The following VCAN variants were observed in gnomAD, a reference collection of about 807,000 sequenced individuals.
The protein encoded by VCAN is versican.
Under a neutral mutation model 245.5 loss-of-function variants are expected in VCAN, and 44 were observed. The ratio of observed to expected loss-of-function variants is 0.18; its 90% CI spans 0.14 to 0.23. The LOEUF is 0.23. Among genes scored for constraint, VCAN ranks in the 10% least tolerant of loss-of-function variants. VCAN has a pLI of 1.00. For missense variants in VCAN, 3,793 were observed against 4,057.9 expected (o/e 0.93, Z 1.77); for synonymous variants, 1,413 against 1,437.0 (o/e 0.98, Z 0.38).
intron 12 of VCAN, among the ~76,000 whole-genome samples, chr5:83,569,150 A>G (rs1239892816): frequency 6.6e-6 from 1 of 152,242 alleles, no homozygotes; most frequent in Non-Finnish European, 1.5e-5. Context: ...AGTATTTCAT[A>G]TAAAATGTCA....
chr5:83,571,159 A>T, intron 12 of VCAN, among the ~76,000 whole-genome samples: 1 of 152,206 alleles, frequency 6.6e-6, no homozygotes, highest in East Asian at 1.9e-4. Context: ...AAATTGACCC[A>T]GAAAGGCGCT....
At chr5:83,553,995 T>A (rs924347561) in intron 11 of VCAN, among the ~76,000 whole-genome samples, 5 of 152,226 alleles carry the variant, frequency 3.3e-5, no homozygotes, top group African/African-American at 1.2e-4. Flanking sequence ...TTGATTCTCA[T>A]TCAAGTTTCT....
chr5:83,540,933 G>A lies in VCAN; in HGVS notation c.7930G>A (p.Ala2644Thr), dbSNP rs755275660. 20 of 1,613,828 alleles carry A rather than the reference G, an allele frequency of 1.2e-5. No homozygotes were observed. In the South Asian group the frequency reaches 1.9e-4, roughly 15 times the overall value. Residue 2644 changes from alanine to threonine, a missense_variant, in exon 8 of 15, where the codon GCT becomes ACT. By Grantham distance (58) the Ala-to-Thr change is moderately conservative. Transcript: ENST00000265077. ...ETFEGSADVL[A>T]SYTQATHDES... ...ATTTGAGGGCTCTGCTGATGTTCTG[G>A]CTAGCTACACTCAGGCAACACATGA...
At position 83,520,180 on chromosome 5, in the gene VCAN, G is replaced by A. The variant is rs779485029; in HGVS notation, c.1874G>A (p.Arg625Lys). 25 of 1,613,910 alleles carry A rather than the reference G, an allele frequency of 1.5e-5. No homozygotes were observed. Among genetic ancestry groups the A allele is most frequent in the Non-Finnish European group, 2.0e-5 (24 of 1,179,974 alleles). Residue 625 changes from arginine (R) to lysine (K), a missense_variant, in exon 7 of 15, where the codon AGA (arginine) becomes AAA (lysine). Around this residue, in one of 5 missense-constraint regions of VCAN, gnomAD observed 3,182 missense variants for 3,250.3 expected, o/e 0.98. Coordinates refer to ENST00000265077, the MANE Select transcript of VCAN (RefSeq NM_004385.5). ...NGSSMDDWEE[R>K]QTSGRITEEF... ...TCATCCATGGATGACTGGGAAGAGA[G>A]ACAAACTAGTGGTAGGATAACGGAA...
In VCAN at chr5:83,580,587, A is replaced by G. The variant is rs1466509517; in HGVS notation, c.*153A>G. Reference sequence around the variant, plus strand: ...GGTTGCCGTGCTCCCAAAACATTTTAAATGAAAGTATTGGCATTCAAAAAG... The same window carrying G: ...GGTTGCCGTGCTCCCAAAACATTTTGAATGAAAGTATTGGCATTCAAAAAG... On this transcript the variant is annotated 3_prime_UTR_variant, in exon 15 of 15. Coordinates refer to ENST00000265077, the MANE Select transcript of VCAN (RefSeq NM_004385.5). 6 of 1,120,498 alleles carry G rather than the reference A, an allele frequency of 5.4e-6. No individual in the cohort carries two copies. The African/African-American group carries it at 9.3e-5, about 17-fold the overall frequency. The allele number at this position is 1,120,498 out of a possible 1,614,324, so 69.4% of individuals were successfully genotyped here. A position where few individuals can be genotyped will look rare whatever the true frequency, so the allele number is the denominator to read the frequency against.
chr5:83,549,478 A>G (rs186703153), intron 10 of VCAN, among the ~76,000 whole-genome samples: 48 of 152,324 alleles, frequency 3.2e-4, no homozygotes, highest in African/African-American at 1.2e-3. Flanking sequence ...AAATCGTACA[A>G]TGGGAAAAGT....
chr5:83,541,024 T>A lies in VCAN; in HGVS notation c.8021T>A (p.Ile2674Asn). The change falls in exon 8 of 15, where the codon ATC becomes AAC. Residue 2674 changes from isoleucine to asparagine, a missense_variant. Around this residue, in one of 5 missense-constraint regions of VCAN, gnomAD observed 3,182 missense variants for 3,250.3 expected, o/e 0.98. Coordinates refer to ENST00000265077, the MANE Select transcript of VCAN (RefSeq NM_004385.5). ...ATGGGCTTTCACTTCACAACTGGGA[T>A]CCCTGCTCCTAGCACAGAAACAGAA... The part of the protein sequence containing the change: ...DHMGFHFTTG[I>N]PAPSTETELD... 2 of 1,613,988 alleles carry A rather than the reference T, an allele frequency of 1.2e-6. No individual in the cohort carries two copies. The highest frequency in any genetic ancestry group is 1.7e-6 in the Non-Finnish European group (2 of 1,179,980).
Position 83,548,022 on chromosome 5 carries a change from A to C in VCAN, c.9431A>C (p.Asp3144Ala). 6.2e-7 allele frequency: 1 copy of C among 1,614,070 alleles called. No individual in the cohort carries two copies. Among genetic ancestry groups the C allele is most frequent in the South Asian group, 1.1e-5 (1 of 91,082 alleles). Reference protein sequence around the residue: ...NPCRNGATCVDGFNTFRCLCL... With the variant: ...NPCRNGATCVAGFNTFRCLCL... ...TGTCGTAATGGAGCCACTTGTGTTG[A>C]TGGTTTTAACACATTCAGGTGCCTC... Residue 3144 changes from aspartate to alanine, a missense_variant, in exon 10 of 15, where the codon GAT (aspartate) becomes GCT (alanine). Coordinates refer to ENST00000265077, the MANE Select transcript of VCAN (RefSeq NM_004385.5).
intron 10 of VCAN, among the ~76,000 whole-genome samples, chr5:83,549,712 T>G (rs1056730659): frequency 7.9e-5 from 12 of 152,168 alleles, no homozygotes; most frequent in Non-Finnish European, 1.2e-4. Flanking sequence ...CCACCTGACT[T>G]TCAGGTACTT....
rs754250343 is a variant in VCAN, at chr5:83,541,968, G to A, written c.8965G>A (p.Gly2989Ser). The A allele has an allele frequency of 1.2e-6, 2 of 1,613,780 alleles. No individual in the cohort carries two copies. The highest frequency in any genetic ancestry group is 2.7e-5 in the African/African-American group (2 of 74,910). Residue 2989 changes from glycine to serine, a missense_variant, in exon 8 of 15, where the codon GGT (glycine) becomes AGT (serine). By Grantham distance (56) the Gly-to-Ser change is moderately conservative. Coordinates refer to ENST00000265077, the MANE Select transcript of VCAN (RefSeq NM_004385.5). ...SASATYGVEA[G>S]VVPWLSPQTS... The stretch of plus-strand genomic sequence containing the variant: ...TTCTGCCACCTATGGGGTCGAGGCA[G>A]GTGTGGTGCCTTGGCTAAGTCCACA...
chr5:83,475,612 A>G (rs1322521934), intron 1 of VCAN, among the ~76,000 whole-genome samples: 1 of 152,250 alleles, frequency 6.6e-6, no homozygotes, highest in East Asian at 1.9e-4. Context: ...GCAGTACATC[A>G]GGGAGAAGGT....
At chr5:83,570,370 T>C (rs1748243133) in intron 12 of VCAN, among the ~76,000 whole-genome samples, 1 of 152,172 alleles carries the variant, frequency 6.6e-6, no homozygotes, top group South Asian at 2.1e-4. Context: ...TTGTCTCATA[T>C]CTTAATTTTG....
chr5:83,482,230 G>GA (rs1744638673), intron 1 of VCAN, among the ~76,000 whole-genome samples: 1 of 152,168 alleles, frequency 6.6e-6, no homozygotes, highest in Non-Finnish European at 1.5e-5. Flanking sequence ...AGTTCCAGCA[G>GA]AAAGATTCCA....
At chr5:83,566,918 C>T (rs1431166562) in intron 12 of VCAN, among the ~76,000 whole-genome samples, 1 of 152,170 alleles carries the variant, frequency 6.6e-6, no homozygotes, top group African/African-American at 2.4e-5. Flanking sequence ...AGTTTTCACC[C>T]TGTTAGGAAT....
chr5:83,536,773 T>G, intron 7 of VCAN: 1 of 377,016 alleles, frequency 2.7e-6, no homozygotes, highest in Non-Finnish European at 4.7e-6. Flanking sequence ...AATGTGTTGA[T>G]GAGTCTTTAT....
intron 12 of VCAN, among the ~76,000 whole-genome samples, chr5:83,567,011 T>C (rs1183007676): frequency 6.6e-6 from 1 of 152,150 alleles, no homozygotes; most frequent in Non-Finnish European, 1.5e-5. Context: ...TGAATCATTT[T>C]ATTATTTTGG....
In VCAN at chr5:83,476,457, A is replaced by G. The variant is rs966958961; in HGVS notation, c.-7+4434A>G. On this transcript the variant is annotated intron_variant, in intron 1 of 14. Coordinates refer to ENST00000265077, the MANE Select transcript of VCAN (RefSeq NM_004385.5). ...AACCAGTTAGGACTGACAAACACTCATTGTTGGGAGTTACTTGCTCTGGTC... is the reference window on the plus strand; with the variant it reads ...AACCAGTTAGGACTGACAAACACTCGTTGTTGGGAGTTACTTGCTCTGGTC... Among the ~76,000 whole-genome samples the G allele has an allele frequency of 1.6e-3, 245 of 152,266 alleles. 1 individual carries two copies. Among genetic ancestry groups the G allele is most frequent in the African/African-American group, 5.6e-3 (234 of 41,572 alleles).
chr5:83,563,966 G>A (rs1330980696), intron 12 of VCAN, among the ~76,000 whole-genome samples: 3 of 152,020 alleles, frequency 2.0e-5, no homozygotes, highest in East Asian at 1.9e-4. Flanking sequence ...GTAAATCATC[G>A]GATAATTTTA....
At chr5:83,486,376 G>A (rs931897537) in intron 2 of VCAN, among the ~76,000 whole-genome samples, 3 of 152,164 alleles carry the variant, frequency 2.0e-5, no homozygotes, top group African/African-American at 7.2e-5. Context: ...TGCCACAGTG[G>A]ACCACCTGGA....
Sources: allele counts gnomAD v4.1 joint callset (sites outside exome capture counted in the v4.1 genomes callset), GRCh38; gene constraint gnomAD v4.1.1; regional missense constraint gnomAD v4.1.1; transcripts MANE v1.5; gene names NCBI Gene and HGNC (gene_info 2026-07-23, HGNC 2026-07-21).